PLEKHA5: variants seen among roughly 807,000 people sequenced by gnomAD.
The protein encoded by PLEKHA5 is pleckstrin homology domain containing A5.
Under a neutral mutation model 181.9 loss-of-function variants are expected in PLEKHA5, and 55 were observed. The observed-to-expected ratio is 0.30, with a 90% CI of 0.24 to 0.38. The LOEUF is 0.38. Ranked by LOEUF, PLEKHA5 falls within the 10% of genes least tolerant of loss-of-function variation. The probability of loss-of-function intolerance (pLI) is 1.00; values close to 1 mark genes in which losing one functional copy is unlikely to be tolerated. For synonymous variants in PLEKHA5, 535 were observed against 529.4 expected, an observed-to-expected ratio of 1.01 and a Z score of -0.15; for missense variants, 1,432 against 1,549.5, an observed-to-expected ratio of 0.92 and a Z score of 1.27.
chr12:19,289,365 G>T (rs571365955), intron 13 of PLEKHA5, among the ~76,000 whole-genome samples: 1 of 152,264 alleles, frequency 6.6e-6, no homozygotes, highest in East Asian at 1.9e-4. Context: ...TTTTTGAAAA[G>T]AATTGTCAGA....
intron 20 of PLEKHA5, among the ~76,000 whole-genome samples, chr12:19,328,861 C>T (rs2092552676): frequency 6.6e-6 from 1 of 152,006 alleles, no homozygotes; most frequent in Admixed American, 6.6e-5. Flanking sequence ...CTAGGACTTC[C>T]AGTACTATGT....
At chr12:19,159,511 T>C (rs1465433208) in intron 3 of PLEKHA5, among the ~76,000 whole-genome samples, 1 of 152,196 alleles carries the variant, frequency 6.6e-6, no homozygotes, top group Non-Finnish European at 1.5e-5. Flanking sequence ...CTTACCCATC[T>C]ACAGACTTAT....
chr12:19,277,300 T>C (rs1424825700), intron 11 of PLEKHA5, among the ~76,000 whole-genome samples: 1 of 152,174 alleles, frequency 6.6e-6, no homozygotes, highest in East Asian at 1.9e-4. Flanking sequence ...TCCCCGAAAA[T>C]CATACTTTCT....
chr12:19,193,728 T>C (rs1487654846), intron 3 of PLEKHA5, among the ~76,000 whole-genome samples: 1 of 152,156 alleles, frequency 6.6e-6, no homozygotes, highest in Non-Finnish European at 1.5e-5. Flanking sequence ...TGCATTGCTA[T>C]AAAGAAATAT....
intron 3 of PLEKHA5, among the ~76,000 whole-genome samples, chr12:19,238,615 G>C (rs1191892571): frequency 1.3e-5 from 2 of 152,146 alleles, no homozygotes; most frequent in African/African-American, 4.8e-5. Flanking sequence ...GTGGCTTTAA[G>C]TCTGTATTTT....
At chr12:19,190,542 G>A (rs1488184959) in intron 3 of PLEKHA5, among the ~76,000 whole-genome samples, 1 of 152,210 alleles carries the variant, frequency 6.6e-6, no homozygotes, top group African/African-American at 2.4e-5. Flanking sequence ...AAAAGTCTTA[G>A]TAGGAAATAT....
intron 3 of PLEKHA5, among the ~76,000 whole-genome samples, chr12:19,189,169 G>A (rs1253988891): frequency 6.6e-6 from 1 of 152,198 alleles, no homozygotes. Flanking sequence ...AAGCAAGATG[G>A]GGTCCCCTAG....
At chr12:19,283,239 C>A (rs749700944) in intron 11 of PLEKHA5, 41 bp from the exon 12 acceptor site, 23 of 995,866 alleles carry the variant, frequency 2.3e-5, no homozygotes, top group Admixed American at 9.8e-5. Flanking sequence ...TGGAAAATAA[C>A]CCTCCTTCAT....
chr12:19,242,827 A>G (rs1201650594), intron 3 of PLEKHA5, among the ~76,000 whole-genome samples: 1 of 152,150 alleles, frequency 6.6e-6, no homozygotes, highest in South Asian at 2.1e-4. Flanking sequence ...GGTGCAACAC[A>G]TGCTTTATAA....
intron 11 of PLEKHA5, among the ~76,000 whole-genome samples, chr12:19,281,927 A>C (rs1055449858): frequency 6.6e-6 from 1 of 151,702 alleles, no homozygotes; most frequent in South Asian, 2.1e-4. Flanking sequence ...GACTACAGGC[A>C]CCTGCCACCA....
intron 3 of PLEKHA5, among the ~76,000 whole-genome samples, chr12:19,246,730 A>G (rs2063849036): frequency 6.6e-6 from 1 of 152,088 alleles, no homozygotes; most frequent in African/African-American, 2.4e-5. Context: ...ATATCAGATA[A>G]AAAAAGATTT....
At chr12:19,282,009 C>T (rs768538959) in intron 11 of PLEKHA5, among the ~76,000 whole-genome samples, 87 of 152,000 alleles carry the variant, frequency 5.7e-4, no homozygotes, top group Non-Finnish European at 8.8e-4. Context: ...GTCTCGATCT[C>T]CTGACCTCTT....
chr12:19,291,606 C>CT (rs756328215), intron 14 of PLEKHA5, 38 bp from the exon 15 acceptor site: 10 of 1,278,522 alleles, frequency 7.8e-6, no homozygotes, highest in Non-Finnish European at 9.7e-6. Flanking sequence ...TCCACATCCT[C>CT]TTTCTCTGTC....
At chr12:19,187,625 A>G (rs2050158321) in intron 3 of PLEKHA5, among the ~76,000 whole-genome samples, 1 of 152,182 alleles carries the variant, frequency 6.6e-6, no homozygotes, top group African/African-American at 2.4e-5. Flanking sequence ...CCATTTCTGC[A>G]ATATCCTACT....
At chr12:19,257,324 C>T in intron 5 of PLEKHA5, 109 bp from the exon 6 acceptor site, 2 of 598,646 alleles carry the variant, frequency 3.3e-6, no homozygotes, top group Non-Finnish European at 5.9e-6. Flanking sequence ...AGATTTAAGT[C>T]CTGCAAGTCT....
At position 19,304,425 on chromosome 12, in the gene PLEKHA5, G is replaced by T. The variant is rs796507589; in HGVS notation, c.2038-10389G>T. ...CTTAATGCTATATCTTAGACAACAA[G>T]AAAATATTTTAATCTAGATCCAATA... On this transcript the variant is annotated intron_variant, in intron 15 of 31. Transcript: ENST00000429027. Among the ~76,000 whole-genome samples the T allele has an allele frequency of 4.6e-5, 7 of 152,208 alleles. 1 individual carries two copies. Among genetic ancestry groups the T allele is most frequent in the African/African-American group, 1.4e-4 (6 of 41,546 alleles).
chr12:19,272,849 C>T (rs1362367686), intron 10 of PLEKHA5, among the ~76,000 whole-genome samples: 1 of 152,094 alleles, frequency 6.6e-6, no homozygotes. Flanking sequence ...TGTTAAAATT[C>T]CTACCCTCCC....
Position 19,264,980 on chromosome 12 carries a change from G to A in PLEKHA5, c.611-770G>A, listed in dbSNP as rs538875760. Among the ~76,000 whole-genome samples the A allele has an allele frequency of 4.6e-5, 7 of 152,280 alleles. No homozygotes were observed. The East Asian group carries it at 1.4e-3, about 29-fold the overall frequency. On this transcript the variant is annotated intron_variant, in intron 7 of 31. Coordinates refer to ENST00000429027, the MANE Select transcript of PLEKHA5 (RefSeq NM_001256470.2). ...CAAGTTAATAATGTGAATCTATACT[G>A]TGTCAAGATTAATGTTTATCATTTT...
chr12:19,210,062 T>G (rs1373403187), intron 3 of PLEKHA5, among the ~76,000 whole-genome samples: 2 of 152,192 alleles, frequency 1.3e-5, no homozygotes, highest in Admixed American at 6.5e-5. Flanking sequence ...GGATGTCCAT[T>G]TGTATTCAGT....
Sources: allele counts gnomAD v4.1 joint callset (sites outside exome capture counted in the v4.1 genomes callset), GRCh38; gene constraint gnomAD v4.1.1; transcripts MANE v1.5; gene names NCBI Gene and HGNC (gene_info 2026-07-23, HGNC 2026-07-21).